The following C6orf89 variants were observed in gnomAD, a reference collection of about 807,000 sequenced individuals.
C6orf89 encodes bombesin receptor-activated protein C6orf89.
A neutral mutation model predicts 40.7 loss-of-function variants in C6orf89; 29 were observed. The observed-to-expected ratio is 0.71, with a 90% CI of 0.53 to 0.97. The LOEUF (loss-of-function observed/expected upper bound fraction) is 0.97. C6orf89 is among the 50% of genes least tolerant of loss of function. C6orf89 has a pLI of 0.00. For missense variants in C6orf89, 392 were observed against 429.1 expected, an observed-to-expected ratio of 0.91 and a Z score of 0.76; for synonymous variants, 165 against 152.2, an observed-to-expected ratio of 1.08 and a Z score of -0.62.
chr6:36,873,628 G>A (rs1774566959), intron 1 of C6orf89, among the ~76,000 whole-genome samples: 2 of 152,270 alleles, frequency 1.3e-5, no homozygotes, highest in Admixed American at 6.5e-5. Flanking sequence ...ATACCAACAG[G>A]AGAATTCAGA....
At chr6:36,884,267 AAAT>A (rs1342009711), upstream of C6orf89, among the ~76,000 whole-genome samples, 111 of 152,186 alleles carry the variant, frequency 7.3e-4, no homozygotes, top group Admixed American at 7.3e-3. The surrounding 1 kb of genome is among the most constrained non-coding windows in gnomAD (Gnocchi z 4.0). Flanking sequence ...CTCACAAAAT[AAAT>A]ACAATAAAAA....
upstream of C6orf89, chr6:36,885,812 T>C: frequency 2.5e-6 from 1 of 396,866 alleles, no homozygotes; most frequent in Non-Finnish European, 4.4e-6. Flanking sequence ...ACTCTCCAGA[T>C]ATCGCGAGAG....
At chr6:36,904,321 T>C (rs574940735) in intron 4 of C6orf89, among the ~76,000 whole-genome samples, 4 of 152,342 alleles carry the variant, frequency 2.6e-5, no homozygotes, top group African/African-American at 9.6e-5. Context: ...TTCAAATCAA[T>C]ATTTTGCCTT....
At position 36,909,636 on chromosome 6, in the gene C6orf89, G is replaced by A. The variant is rs141900240; in HGVS notation, c.404-4648G>A. 3.0e-4 allele frequency among the ~76,000 whole-genome samples: 45 copies of A among 151,992 alleles called. 1 individual carries two copies. The East Asian group carries it at 5.8e-3, about 20-fold the overall frequency. ...GCTCTACAAAAAATACAAAAAATTA[G>A]CCATATATGGTGGTGCACACCTGTA... On this transcript the variant is annotated intron_variant, in intron 4 of 8. Coordinates refer to ENST00000480824, the MANE Select transcript of C6orf89 (RefSeq NM_001286635.2).
At chr6:36,909,180 G>T (rs1762031706) in intron 4 of C6orf89, among the ~76,000 whole-genome samples, 1 of 129,036 alleles carries the variant, frequency 7.7e-6, no homozygotes, top group African/African-American at 2.9e-5. Context: ...GGTTGTTGTG[G>T]GTTTTTTTTT....
At chr6:36,875,150 G>A (rs1014085284) in intron 1 of C6orf89, 3 of 241,916 alleles carry the variant, frequency 1.2e-5, no homozygotes, top group African/African-American at 7.0e-5. Context: ...TCACAATTGG[G>A]CAGGGACGGG....
intron 1 of C6orf89, among the ~76,000 whole-genome samples, chr6:36,874,059 T>C (rs1774580569): frequency 6.6e-6 from 1 of 152,130 alleles, no homozygotes; most frequent in African/African-American, 2.4e-5. Context: ...CCAAACGAGG[T>C]TCTTCCAGTT....
At chr6:36,915,087 A>G (rs1217589617) in intron 6 of C6orf89, among the ~76,000 whole-genome samples, 1 of 152,182 alleles carries the variant, frequency 6.6e-6, no homozygotes, top group Non-Finnish European at 1.5e-5. Flanking sequence ...CTGAGCCACT[A>G]CCACAGGCCC....
chr6:36,874,730 A>G, intron 1 of C6orf89: 1 of 1,614,050 alleles, frequency 6.2e-7, no homozygotes, highest in African/African-American at 1.3e-5. Context: ...GTCTCCAAGT[A>G]AACGTTGGGT....
intron 1 of C6orf89, among the ~76,000 whole-genome samples, chr6:36,889,701 C>G (rs1252968725): frequency 1.3e-5 from 2 of 151,856 alleles, no homozygotes; most frequent in Non-Finnish European, 2.9e-5. Context: ...TTTTAAATAG[C>G]TATATGATCT....
intron 1 of C6orf89, among the ~76,000 whole-genome samples, chr6:36,873,264 A>G (rs987137903): frequency 6.6e-6 from 1 of 152,244 alleles, no homozygotes; most frequent in Non-Finnish European, 1.5e-5. Flanking sequence ...TAAGGATACA[A>G]TATGTGCAAG....
At chr6:36,901,306 ATTATTATTATTATTATTTTT>A (rs1233895688) in intron 3 of C6orf89, among the ~76,000 whole-genome samples, 8 of 17,764 alleles carry the variant, frequency 4.5e-4, no homozygotes, top group Admixed American at 4.1e-3. Context: ...TATTATTATT[ATTATTATTATTATTATTTTT>A]TTTTTTTTTT....
intron 6 of C6orf89, among the ~76,000 whole-genome samples, chr6:36,915,452 G>A (rs1381427666): frequency 6.6e-6 from 1 of 152,090 alleles, no homozygotes; most frequent in Non-Finnish European, 1.5e-5. Flanking sequence ...AGACAAGTGG[G>A]GATCAGTAGC....
intron 4 of C6orf89, among the ~76,000 whole-genome samples, chr6:36,903,043 T>A (rs988279167): frequency 1.3e-5 from 2 of 150,002 alleles, no homozygotes; most frequent in African/African-American, 5.0e-5. Context: ...ATAGACTATT[T>A]GAGGGGTTTC....
At chr6:36,892,323 G>A (rs1761237533) in intron 1 of C6orf89, among the ~76,000 whole-genome samples, 1 of 152,136 alleles carries the variant, frequency 6.6e-6, no homozygotes, top group Admixed American at 6.5e-5. Context: ...TACCCCTCCA[G>A]TTTGTTGATT....
intron 7 of C6orf89, among the ~76,000 whole-genome samples, chr6:36,919,358 T>C (rs988488556): frequency 1.3e-5 from 2 of 152,248 alleles, no homozygotes; most frequent in Non-Finnish European, 2.9e-5. Context: ...GAAGAGATTT[T>C]ACTCTGGTCT....
At chr6:36,873,145 AAGT>A (rs1774553976) in intron 1 of C6orf89, among the ~76,000 whole-genome samples, 1 of 152,248 alleles carries the variant, frequency 6.6e-6, no homozygotes, top group Non-Finnish European at 1.5e-5. Context: ...AAAATACAGA[AAGT>A]AGCCTTTTGG....
chr6:36,923,224 G>C, intron 8 of C6orf89, 123 bp from the exon 9 acceptor site: 2 of 635,656 alleles, frequency 3.1e-6, no homozygotes, highest in Non-Finnish European at 5.6e-6. Context: ...AATAGAAAAA[G>C]ATTTGTCTTT....
At chr6:36,896,973 C>A (rs1266138670) in intron 2 of C6orf89, among the ~76,000 whole-genome samples, 1 of 150,972 alleles carries the variant, frequency 6.6e-6, no homozygotes, top group Non-Finnish European at 1.5e-5. Flanking sequence ...ACTAAAAATC[C>A]AAAAAAATTT....
Sources: allele counts gnomAD v4.1 joint callset (sites outside exome capture counted in the v4.1 genomes callset), GRCh38; gene constraint gnomAD v4.1.1; non-coding constraint Gnocchi (gnomAD v3.1); transcripts MANE v1.5; gene names NCBI Gene and HGNC (gene_info 2026-07-23, HGNC 2026-07-21).